LDB3: variants seen among roughly 807,000 people sequenced by gnomAD.
LDB3 encodes the protein LIM domain binding 3.
In LDB3, 49 loss-of-function variants were observed where a neutral mutation model predicts 69.0. That is an observed-to-expected ratio of 0.71 (90% CI 0.56 to 0.90). The LOEUF (loss-of-function observed/expected upper bound fraction) is 0.90. Ranked by LOEUF, LDB3 falls within the 40% of genes least tolerant of loss-of-function variation. LDB3 has a pLI of 0.00. For synonymous variants in LDB3, 387 were observed against 396.2 expected, an observed-to-expected ratio of 0.98 and a Z score of 0.28; for missense variants, 928 against 974.1, an observed-to-expected ratio of 0.95 and a Z score of 0.63.
intron 2 of LDB3, among the ~76,000 whole-genome samples, chr10:86,678,337 AC>A (rs1338575210): frequency 1.1e-5 from 1 of 90,588 alleles, no homozygotes; most frequent in African/African-American, 4.4e-5. Context: ...ACACCTGGCC[AC>A]CCTTTTTTTT....
intron 8 of LDB3, among the ~76,000 whole-genome samples, chr10:86,707,058 T>G (rs1589664469): frequency 1.3e-5 from 2 of 151,942 alleles, no homozygotes; most frequent in South Asian, 4.2e-4. Flanking sequence ...ACACACAAAG[T>G]TAGATAACAA....
In LDB3 at chr10:86,732,989, G is replaced by T. The variant is rs397517207; in HGVS notation, c.*13G>T. 11 of 1,603,074 alleles carry T rather than the reference G, an allele frequency of 6.9e-6. No homozygotes were observed. In the Admixed American group the frequency reaches 8.4e-5, roughly 12 times the overall value. On this transcript the variant is annotated 3_prime_UTR_variant, in exon 14 of 14. Transcript: ENST00000361373. ...CATCAACTTGTAGGCGGCCAAGGCC[G>T]CCTGTGCTGACGAGGCCCGGAGCTG...
chr10:86,679,388 G>A lies in LDB3; in HGVS notation c.115G>A (p.Ala39Thr). 3 of 1,614,140 alleles carry A rather than the reference G, an allele frequency of 1.9e-6. No individual in the cohort carries two copies. The highest frequency in any genetic ancestry group is 8.5e-7 in the Non-Finnish European group (1 of 1,180,034). Residue 39 changes from alanine (A) to threonine (T), a missense_variant, in exon 3 of 14, where the codon GCC becomes ACC. Coordinates refer to ENST00000361373, the MANE Select transcript of LDB3 (RefSeq NM_007078.3). ...TCAGATCACACCAGGCAGCAAGGCA[G>A]CCCAGTCCCAGCTCAGCCAGGGTGA... ...ISRITPGSKA[A>T]QSQLSQGDLV...
chr10:86,668,841 G>A, intron 2 of LDB3, 57 bp downstream of exon 2: 5 of 1,298,116 alleles, frequency 3.9e-6, no homozygotes, highest in South Asian at 1.2e-5. Context: ...TTGGAGGAGG[G>A]CATGTGTGTC....
rs147246015 is a variant in LDB3, at chr10:86,680,176, G to A, written c.321+19G>A. ...CCAGAAGGTAGGTGCTGACTGTGGCGGCGGGGTCCACTCAGCCCTGGTTCC... is the reference window on the plus strand; with the variant it reads ...CCAGAAGGTAGGTGCTGACTGTGGCAGCGGGGTCCACTCAGCCCTGGTTCC... On this transcript the variant is annotated intron_variant, in intron 4 of 13. Coordinates refer to ENST00000361373, the MANE Select transcript of LDB3 (RefSeq NM_007078.3). 6.8e-5 allele frequency: 110 copies of A among 1,609,648 alleles called. 1 individual carries two copies. The East Asian group carries it at 1.6e-3, about 24-fold the overall frequency.
intron 9 of LDB3, among the ~76,000 whole-genome samples, chr10:86,711,675 G>A (rs1007157661): frequency 2.0e-5 from 3 of 151,666 alleles, no homozygotes; most frequent in African/African-American, 7.3e-5. Flanking sequence ...GGCCTCCTCC[G>A]GGCCGAGGGC....
chr10:86,707,569 G>A (rs1239221804), intron 8 of LDB3, among the ~76,000 whole-genome samples: 1 of 152,116 alleles, frequency 6.6e-6, no homozygotes, highest in African/African-American at 2.4e-5. Context: ...CCAGCTCTCT[G>A]TCTGGGCTTC....
chr10:86,667,877 T>C (rs1844241043), upstream of LDB3, among the ~76,000 whole-genome samples: 1 of 152,206 alleles, frequency 6.6e-6, no homozygotes, highest in Non-Finnish European at 1.5e-5. Context: ...GCATGCATTC[T>C]GTAGGAATCA....
At chr10:86,719,735 T>C (rs971435267) in intron 12 of LDB3, among the ~76,000 whole-genome samples, 6 of 152,200 alleles carry the variant, frequency 3.9e-5, no homozygotes, top group African/African-American at 1.4e-4. Flanking sequence ...TCCTGTAATC[T>C]CACGGAGTGA....
chr10:86,712,865 C>G (rs1004406133), intron 9 of LDB3, among the ~76,000 whole-genome samples: 5 of 152,154 alleles, frequency 3.3e-5, no homozygotes, highest in African/African-American at 4.8e-5. Flanking sequence ...TCGAGACCAC[C>G]AGGGTAACAC....
chr10:86,735,967 C>G lies in LDB3; in HGVS notation c.*2991C>G, dbSNP rs1399958385. ...GAAACATTTCAGAAGTGGAATGTAG[C>G]CTGTTAAAGGTGTGCACAAAAATAT... On this transcript the variant is annotated 3_prime_UTR_variant, in exon 14 of 14. Coordinates refer to ENST00000361373, the MANE Select transcript of LDB3 (RefSeq NM_007078.3). 1 of 150,314 alleles carries G rather than the reference C, an allele frequency of 6.7e-6. No individual in the cohort carries two copies. The highest frequency in any genetic ancestry group is 1.5e-5 in the Non-Finnish European group (1 of 67,762). 9.3% of individuals were successfully genotyped at this position (150,314 alleles called of 1,614,324 possible). A position where few individuals can be genotyped will look rare whatever the true frequency, so the allele number is the denominator to read the frequency against.
intron 12 of LDB3, among the ~76,000 whole-genome samples, chr10:86,723,268 TAAAA>T (rs56259917): frequency 0.018 from 903 of 49,070 alleles, 8 homozygotes; most frequent in African/African-American, 0.055. Flanking sequence ...AGACTCAATC[TAAAA>T]AAAAAAAAAA....
chr10:86,704,782 CTG>C (rs1414635558), intron 7 of LDB3, among the ~76,000 whole-genome samples: 1 of 152,004 alleles, frequency 6.6e-6, no homozygotes, highest in Non-Finnish European at 1.5e-5. Flanking sequence ...TGAGGTTTCA[CTG>C]TGTTAGCCAG....
intron 9 of LDB3, among the ~76,000 whole-genome samples, chr10:86,711,635 C>T (rs1370693530): frequency 1.3e-5 from 2 of 151,738 alleles, no homozygotes; most frequent in East Asian, 2.0e-4. Context: ...GGACCCGGAG[C>T]GCCGCGGCCG....
At chr10:86,700,546 G>A (rs753136241) in intron 7 of LDB3, among the ~76,000 whole-genome samples, 2 of 152,188 alleles carry the variant, frequency 1.3e-5, no homozygotes, top group Non-Finnish European at 2.9e-5. Flanking sequence ...GGGCTCAGGG[G>A]AAAAGAGATG....
At chr10:86,732,115 G>A (rs1847489942) in intron 13 of LDB3, among the ~76,000 whole-genome samples, 1 of 151,178 alleles carries the variant, frequency 6.6e-6, no homozygotes, top group South Asian at 2.1e-4. Context: ...AAAGTGTAGG[G>A]ATTACAGGCA....
intron 7 of LDB3, among the ~76,000 whole-genome samples, chr10:86,697,215 C>CT (rs34215720): frequency 0.046 from 3,553 of 77,374 alleles, 188 homozygotes; most frequent in Middle Eastern, 0.064. Context: ...TAGCAATTCA[C>CT]TTTTTTTTTT....
At chr10:86,678,225 A>G (rs116081897) in intron 2 of LDB3, among the ~76,000 whole-genome samples, 2,398 of 151,328 alleles carry the variant, frequency 0.016, 81 homozygotes, top group African/African-American at 0.056. Flanking sequence ...TTTTTTTTGT[A>G]ATTTTGGTAC....
rs1344370845 is a variant in LDB3, at chr10:86,718,719, TC to T, written c.1858-3del. On this transcript the variant is annotated splice_polypyrimidine_tract_variant and splice_region_variant and intron_variant, in intron 11 of 13. Transcript: ENST00000361373. ...CTTTCTGTCCTGAGCTTAGGCTCTT[TC>T]CCCCAGGAAGTAATGCATGCCTTGA... The T allele has an allele frequency of 6.2e-7, 1 of 1,614,006 alleles. No individual in the cohort carries two copies. Among genetic ancestry groups the T allele is most frequent in the East Asian group, 2.2e-5 (1 of 44,882 alleles).
Sources: gnomAD v4.1 joint callset for allele counts (sites outside exome capture counted in the v4.1 genomes callset) on GRCh38, gnomAD v4.1.1 for gene constraint, MANE v1.5 for transcripts, NCBI Gene and HGNC (gene_info 2026-07-23, HGNC 2026-07-21) for gene names.